BIN3: variants seen among roughly 807,000 people sequenced by gnomAD.
BIN3 encodes the protein bridging integrator 3.
A neutral mutation model predicts 38.2 loss-of-function variants in BIN3; 41 were observed. The ratio of observed to expected loss-of-function variants is 1.07; its 90% CI spans 0.84 to 1.39. The LOEUF is 1.39. BIN3 is among the 40% of genes most tolerant of loss of function. The pLI is 0.00. For synonymous variants in BIN3, 145 were observed against 122.6 expected (o/e 1.18, Z -1.21); for missense variants, 361 against 324.3 (o/e 1.11, Z -0.87).
intron 1 of BIN3, among the ~76,000 whole-genome samples, chr8:22,665,632 A>C (rs186688479): frequency 1.3e-5 from 2 of 152,088 alleles, no homozygotes; most frequent in East Asian, 3.9e-4. Context: ...CAGAAGGGAC[A>C]GTTATCCAGA....
chr8:22,656,812 C>T (rs1484590612), intron 1 of BIN3, among the ~76,000 whole-genome samples: 1 of 152,218 alleles, frequency 6.6e-6, no homozygotes, highest in Admixed American at 6.5e-5. Flanking sequence ...TCTCCTATAA[C>T]CTATTATTGT....
intron 1 of BIN3, among the ~76,000 whole-genome samples, chr8:22,651,146 C>T (rs1802877007): frequency 1.3e-5 from 2 of 152,200 alleles, no homozygotes; most frequent in African/African-American, 4.8e-5. Context: ...TAATGTGTCA[C>T]GCAGCAGTAA....
intron 1 of BIN3, among the ~76,000 whole-genome samples, chr8:22,657,116 C>T (rs1405569584): frequency 3.3e-5 from 5 of 152,208 alleles, no homozygotes; most frequent in Admixed American, 6.5e-5. Context: ...TCAGGATGAA[C>T]GAGGCAGATT....
At position 22,621,400 on chromosome 8, in the gene BIN3, G is replaced by A. The variant is rs775535509; in HGVS notation, c.*22C>T. ...GAATGAGGCTGACCACGTCACAGGAGTCCTCCAAGAGTGACGGGGATTCAG... is the reference window on the plus strand; with the variant it reads ...GAATGAGGCTGACCACGTCACAGGAATCCTCCAAGAGTGACGGGGATTCAG... On this transcript the variant is annotated 3_prime_UTR_variant, in exon 9 of 9. Transcript: ENST00000276416. 1 of 1,607,502 alleles carries A rather than the reference G, an allele frequency of 6.2e-7. No homozygotes were observed. Among genetic ancestry groups the A allele is most frequent in the Admixed American group, 1.7e-5 (1 of 58,916 alleles).
intron 1 of BIN3, among the ~76,000 whole-genome samples, chr8:22,668,609 G>A (rs1262193911): frequency 6.6e-6 from 1 of 152,224 alleles, no homozygotes; most frequent in African/African-American, 2.4e-5. Context: ...ACCCAGAAGG[G>A]AGTGGGTTTT....
intron 2 of BIN3, among the ~76,000 whole-genome samples, chr8:22,641,288 G>A (rs554645954): frequency 6.6e-6 from 1 of 152,076 alleles, no homozygotes; most frequent in Non-Finnish European, 1.5e-5. Flanking sequence ...AGCCCCAGAC[G>A]ACTACCCGTG....
intron 6 of BIN3, chr8:22,626,521 C>T (rs1176215534): frequency 1.3e-5 from 2 of 152,410 alleles, no homozygotes; most frequent in East Asian, 1.9e-4. Flanking sequence ...TACCCTGGTC[C>T]TCGCCCTGAT....
At chr8:22,639,960 C>G (rs1802489676) in intron 2 of BIN3, among the ~76,000 whole-genome samples, 1 of 152,114 alleles carries the variant, frequency 6.6e-6, no homozygotes, top group African/African-American at 2.4e-5. Context: ...CTCCCGGGTT[C>G]AAGCGATTCT....
intron 2 of BIN3, among the ~76,000 whole-genome samples, chr8:22,638,723 A>G (rs1237976775): frequency 1.4e-5 from 2 of 146,968 alleles, no homozygotes; most frequent in African/African-American, 5.5e-5. Flanking sequence ...CAGAAGCAGG[A>G]AAAAAATGAT....
At chr8:22,658,906 G>C (rs754276973) in intron 1 of BIN3, among the ~76,000 whole-genome samples, 1 of 152,190 alleles carries the variant, frequency 6.6e-6, no homozygotes, top group Non-Finnish European at 1.5e-5. Context: ...TCACTGTCTC[G>C]GCAAGAGCAG....
intron 6 of BIN3, chr8:22,626,114 T>C (rs914959573): frequency 4.1e-4 from 62 of 152,396 alleles, no homozygotes; most frequent in African/African-American, 1.4e-3. Context: ...AGGTGCTAAG[T>C]GGGTGAAGCC....
chr8:22,644,665 C>A, intron 2 of BIN3, 90 bp downstream of exon 2: 1 of 1,328,540 alleles, frequency 7.5e-7, no homozygotes, highest in East Asian at 2.5e-5. Context: ...CTTCCCAGCC[C>A]CAAGATGTGT....
At position 22,624,651 on chromosome 8, in the gene BIN3, G is replaced by A. The variant is rs150178999; in HGVS notation, c.339-288C>T. On this transcript the variant is annotated intron_variant, in intron 6 of 8. Transcript: ENST00000276416. ...GTGAGGGCAGATGAGAGGAGGTGGGGTTGTGGGCCAGGTCCAGGGAGCTGG... is the reference window on the plus strand; with the variant it reads ...GTGAGGGCAGATGAGAGGAGGTGGGATTGTGGGCCAGGTCCAGGGAGCTGG... 3.4e-3 allele frequency: 1,226 copies of A among 359,428 alleles called. 13 individuals carry two copies. Among genetic ancestry groups the A allele is most frequent in the South Asian group, 1.8e-3 (35 of 19,956 alleles). 22.3% of individuals were successfully genotyped at this position (359,428 alleles called of 1,614,324 possible).
chr8:22,627,315 T>A (rs376464924), intron 6 of BIN3, among the ~76,000 whole-genome samples: 1 of 151,448 alleles, frequency 6.6e-6, no homozygotes, highest in African/African-American at 2.4e-5. Context: ...TGAAGAGTAG[T>A]GGACCAGGAC....
chr8:22,663,759 C>T (rs571008298), intron 1 of BIN3, among the ~76,000 whole-genome samples: 5 of 152,344 alleles, frequency 3.3e-5, no homozygotes, highest in African/African-American at 9.6e-5. Flanking sequence ...ACACTCTTGA[C>T]GCATTCTGAC....
chr8:22,647,876 C>T (rs930769293), intron 1 of BIN3, among the ~76,000 whole-genome samples: 18 of 152,062 alleles, frequency 1.2e-4, no homozygotes, highest in African/African-American at 3.6e-4. Flanking sequence ...CCTGTAATCC[C>T]AGCACTTTGG....
intron 6 of BIN3, among the ~76,000 whole-genome samples, chr8:22,628,050 G>A (rs893860368): frequency 6.6e-6 from 1 of 152,242 alleles, no homozygotes; most frequent in African/African-American, 2.4e-5. Flanking sequence ...GGATGGGAGG[G>A]GCGAAGAGGA....
At chr8:22,641,832 A>G (rs1371674079) in intron 2 of BIN3, among the ~76,000 whole-genome samples, 1 of 152,140 alleles carries the variant, frequency 6.6e-6, no homozygotes, top group East Asian at 1.9e-4. Flanking sequence ...AGCTTCGAAG[A>G]GCTCTTCCAT....
chr8:22,628,736 G>A (rs1363317190), intron 6 of BIN3, among the ~76,000 whole-genome samples: 1 of 152,174 alleles, frequency 6.6e-6, no homozygotes, highest in Non-Finnish European at 1.5e-5. Context: ...CTCTGTGTCC[G>A]TCTCTGGGAC....
Sources: gnomAD v4.1 joint callset for allele counts (sites outside exome capture counted in the v4.1 genomes callset) on GRCh38, gnomAD v4.1.1 for gene constraint, MANE v1.5 for transcripts, NCBI Gene and HGNC (gene_info 2026-07-23, HGNC 2026-07-21) for gene names.